The following TCF3 variants were observed in gnomAD, a reference collection of about 807,000 sequenced individuals.
TCF3 encodes the protein transcription factor 3.
In TCF3, 54 loss-of-function variants were observed where a neutral mutation model predicts 72.3. The ratio of observed to expected loss-of-function variants is 0.75; its 90% confidence interval spans 0.60 to 0.94. The LOEUF (loss-of-function observed/expected upper bound fraction) is 0.94. Ranked by LOEUF, TCF3 falls within the 40% of genes least tolerant of loss-of-function variation. The probability of loss-of-function intolerance (pLI) is 0.00; values close to 1 mark genes in which losing one functional copy is unlikely to be tolerated. For missense variants in TCF3, 1,078 were observed against 934.4 expected (o/e 1.15, Z -2.00); for synonymous variants, 525 against 412.6 (o/e 1.27, Z -3.30).
intron 14 of TCF3, 149 bp downstream of exon 14, chr19:1,619,631 A>T: frequency 7.9e-7 from 1 of 1,265,932 alleles, no homozygotes; most frequent in Non-Finnish European, 1.1e-6. Context: ...AGCACACACA[A>T]AATGTGTGTG....
chr19:1,612,682 GTGT>G (rs898109646), intron 18 of TCF3, among the ~76,000 whole-genome samples: 11 of 151,416 alleles, frequency 7.3e-5, no homozygotes, highest in Middle Eastern at 6.8e-3. Flanking sequence ...TACACGGCTG[GTGT>G]TGGTGTGGGC....
chr19:1,632,048 C>T lies in TCF3; in HGVS notation c.288G>A (p.Pro96=), dbSNP rs752031648. ...AGGCCAGGCACTCACCTCCGAGTCC[C>T]GGTCCCAGGAATGTGGATGAAGAGA... The part of the protein sequence containing the change: ...SSLSSSTFLG[P]GLGGKSGERG... The change falls in exon 5 of 19, where the codon CCG becomes CCA. Residue 96 remains proline (P), a synonymous_variant. Coordinates refer to ENST00000262965, the MANE Select transcript of TCF3 (RefSeq NM_003200.5). 48 of 1,613,062 alleles carry T rather than the reference C, an allele frequency of 3.0e-5. No individual in the cohort carries two copies. Among genetic ancestry groups the T allele is most frequent in the Middle Eastern group, 3.3e-4 (2 of 6,082 alleles).
Position 1,615,370 on chromosome 19 carries a change from G to C in TCF3, c.1737C>G (p.His579Gln). The C allele has an allele frequency of 6.2e-7, 1 of 1,614,042 alleles. No homozygotes were observed. The highest frequency in any genetic ancestry group is 1.1e-5 in the South Asian group (1 of 91,086). Residue 579 changes from histidine (H) to glutamine (Q), a missense_variant, in exon 18 of 19, where the codon CAC (histidine) becomes CAG (glutamine). By Grantham distance (24) the His-to-Gln change is conservative. Transcript: ENST00000262965. The surrounding 1 kb of genome is among the most constrained non-coding windows in gnomAD (Gnocchi z 7.3). The part of the protein sequence containing the change: ...FKELGRMCQL[H>Q]LNSEKPQTKL... ...TGGTCTGGGGCTTCTCGCTGTTGAG[G>C]TGCAGTTGGCACATGCGCCCCAGCT...
chr19:1,613,676 A>G (rs1211174873), intron 18 of TCF3, among the ~76,000 whole-genome samples: 1 of 152,076 alleles, frequency 6.6e-6, no homozygotes, highest in East Asian at 1.9e-4. Context: ...GACTCAAATC[A>G]GGGCTCACAT....
rs2067268783 is a variant in TCF3 at position 1,652,372 on chromosome 19, C to G, written c.-112G>C. The stretch of plus-strand genomic sequence containing the variant: ...TGAAGCGGGGGGGCCCCCCCCCGGA[C>G]AAAGGTGCGTCGCGGCCGGGCCCCC... On this transcript the variant is annotated 5_prime_UTR_variant, in exon 1 of 19. Coordinates refer to ENST00000262965, the MANE Select transcript of TCF3 (RefSeq NM_003200.5). 1 of 142,076 alleles carries G rather than the reference C, an allele frequency of 7.0e-6. No homozygotes were observed. The highest frequency in any genetic ancestry group is 2.5e-5 in the African/African-American group (1 of 39,484). The allele number at this position is 142,076 out of a possible 1,614,324, so 8.8% of individuals were successfully genotyped here. A position where few individuals can be genotyped will look rare whatever the true frequency, so the allele number is the denominator to read the frequency against.
Position 1,646,354 on chromosome 19 carries a change from CCT to C in TCF3, c.144_145del (p.Gly49SerfsTer2). ...GCGCTGGCAGGAAGGCGGGGTCCTA[CCT>C]GAACCTCCGAACTGCGCCCCGGCCA... On this transcript the variant is annotated frameshift_variant and splice_region_variant, in exon 3 of 19. Transcript: ENST00000262965. LOFTEE classifies it high-confidence loss of function. The C allele has an allele frequency of 4.5e-6, 7 of 1,550,406 alleles. No individual in the cohort carries two copies. Among genetic ancestry groups the C allele is most frequent in the Non-Finnish European group, 6.1e-6 (7 of 1,146,682 alleles).
At chr19:1,639,428 G>A (rs1314898847) in intron 3 of TCF3, among the ~76,000 whole-genome samples, 1 of 152,112 alleles carries the variant, frequency 6.6e-6, no homozygotes, top group Non-Finnish European at 1.5e-5. Flanking sequence ...CACAATCCTG[G>A]CATCTAAATA....
At chr19:1,644,127 C>CG (rs2065726701) in intron 3 of TCF3, among the ~76,000 whole-genome samples, 1 of 152,236 alleles carries the variant, frequency 6.6e-6, no homozygotes, top group African/African-American at 2.4e-5. Flanking sequence ...AAGCAGGAAG[C>CG]GGGGAAATGA....
In TCF3 at chr19:1,622,358, C is replaced by T. The variant is rs138005323; in HGVS notation, c.607G>A (p.Ala203Thr). 43 of 1,324,510 alleles carry T rather than the reference C, an allele frequency of 3.2e-5. No homozygotes were observed. In the Middle Eastern group the frequency reaches 1.1e-3, roughly 34 times the overall value. 82.0% of individuals were successfully genotyped at this position (1,324,510 alleles called of 1,614,324 possible). The change falls in exon 9 of 19, where the codon GCC becomes ACC. Residue 203 changes from alanine to threonine, a missense_variant. Transcript: ENST00000262965. Reference protein sequence around the residue: ...YGRDATAYPSAKTPSSTYPAP... With the variant: ...YGRDATAYPSTKTPSSTYPAP... The stretch of plus-strand genomic sequence containing the variant: ...GGATAGGTGCTGCTGGGGGTCTTGG[C>T]GGACGGGTAGGCGGTGGCATCCCTG...
intron 2 of TCF3, among the ~76,000 whole-genome samples, chr19:1,647,490 T>C (rs978542907): frequency 6.6e-6 from 1 of 152,184 alleles, no homozygotes; most frequent in African/African-American, 2.4e-5. Flanking sequence ...CCCCACTCCC[T>C]GGTCCTGCAG....
intron 1 of TCF3, among the ~76,000 whole-genome samples, chr19:1,652,018 C>T (rs2067183485): frequency 6.6e-6 from 1 of 151,242 alleles, no homozygotes; most frequent in Non-Finnish European, 1.5e-5. Context: ...TCCGGCGCCC[C>T]CCGCGCCCCC....
At chr19:1,635,818 A>G (rs1599882336) in intron 3 of TCF3, among the ~76,000 whole-genome samples, 2 of 152,236 alleles carry the variant, frequency 1.3e-5, no homozygotes, top group Admixed American at 6.5e-5. Context: ...AAATGAAATA[A>G]CAGCCACCAC....
intron 1 of TCF3, 35 bp downstream of exon 1, chr19:1,652,265 T>G: frequency 7.5e-6 from 1 of 133,176 alleles, no homozygotes; most frequent in African/African-American, 2.8e-5. Flanking sequence ...AGCACGGGGG[T>G]ACCGGGCGCG....
intron 5 of TCF3, among the ~76,000 whole-genome samples, chr19:1,631,299 C>G (rs543758711): frequency 6.7e-6 from 1 of 148,984 alleles, no homozygotes; most frequent in Non-Finnish European, 1.5e-5. Flanking sequence ...GATGGAATCT[C>G]GCTCCATCAC....
chr19:1,632,575 A>C (rs1457901525), intron 3 of TCF3, among the ~76,000 whole-genome samples, 170 bp from the exon 4 acceptor site: 1 of 151,948 alleles, frequency 6.6e-6, no homozygotes, highest in Non-Finnish European at 1.5e-5. Context: ...AGCAGCTAAC[A>C]CCCAGACACC....
chr19:1,611,603 T>C lies in TCF3; in HGVS notation c.*104A>G, dbSNP rs1203187949. On this transcript the variant is annotated 3_prime_UTR_variant, in exon 19 of 19. Transcript: ENST00000262965. ...GTGTTGGCTCGATGCTGACAACAGG[T>C]GTGTGAGGTGTGGATGTGGATGAAG... is the stretch of plus-strand genomic sequence containing the variant. 7.6e-6 allele frequency: 11 copies of C among 1,444,660 alleles called. No homozygotes were observed. Among genetic ancestry groups the C allele is most frequent in the South Asian group, 5.4e-5 (4 of 74,064 alleles). 89.5% of individuals were successfully genotyped at this position (1,444,660 alleles called of 1,614,324 possible).
intron 6 of TCF3, among the ~76,000 whole-genome samples, chr19:1,626,609 G>A (rs988718357): frequency 1.3e-5 from 2 of 152,170 alleles, no homozygotes; most frequent in Admixed American, 6.5e-5. Flanking sequence ...GCGCCAGAGA[G>A]CAGGGCCCGA....
chr19:1,621,063 G>A lies in TCF3; in HGVS notation c.1015-17C>T. On this transcript the variant is annotated splice_polypyrimidine_tract_variant and intron_variant, in intron 12 of 18. Coordinates refer to ENST00000262965, the MANE Select transcript of TCF3 (RefSeq NM_003200.5). ...GGAGTAGATCTGCGAGGAGGACCAG[G>A]AGAGATGGGCGGTCAGGGGCCGGCC... 1 of 1,526,976 alleles carries A rather than the reference G, an allele frequency of 6.5e-7. No individual in the cohort carries two copies. The highest frequency in any genetic ancestry group is 8.8e-7 in the Non-Finnish European group (1 of 1,130,086). The allele number at this position is 1,526,976 out of a possible 1,614,324, so 94.6% of individuals were successfully genotyped here.
At chr19:1,645,212 G>A (rs917465620) in intron 3 of TCF3, among the ~76,000 whole-genome samples, 1 of 151,950 alleles carries the variant, frequency 6.6e-6, no homozygotes, top group African/African-American at 2.4e-5. Flanking sequence ...ACTGCAGGAC[G>A]GCGCTTTCCA....
Sources: allele counts gnomAD v4.1 joint callset (sites outside exome capture counted in the v4.1 genomes callset), GRCh38; gene constraint gnomAD v4.1.1; non-coding constraint Gnocchi (gnomAD v3.1); transcripts MANE v1.5; gene names NCBI Gene and HGNC (gene_info 2026-07-23, HGNC 2026-07-21).